GRB2: variants seen among roughly 807,000 people sequenced by gnomAD.
GRB2 encodes the protein growth factor receptor-bound protein 2.
A neutral mutation model predicts 27.4 loss-of-function variants in GRB2; 2 were observed. The ratio of observed to expected loss-of-function variants is 0.07; its 90% CI spans 0.03 to 0.23. The LOEUF (loss-of-function observed/expected upper bound fraction) is 0.23. Ranked by LOEUF, GRB2 falls within the 10% of genes least tolerant of loss-of-function variation. The pLI is 1.00. For missense variants in GRB2, 102 were observed against 282.4 expected (o/e 0.36, Z 4.58); for synonymous variants, 94 against 99.6 (o/e 0.94, Z 0.33).
rs1381759584 is a variant in GRB2, at chr17:75,326,164, C to T, written c.177-144G>A. ...CCTCCAGCCTCACAGTGCCCAAGAT[C>T]GACACTGGGTTGGGTCCCCAGAGAT... On this transcript the variant is annotated intron_variant, in intron 3 of 5. Transcript: ENST00000316804. 6.7e-6 allele frequency: 6 copies of T among 901,236 alleles called. No individual in the cohort carries two copies. The East Asian group carries it at 7.6e-5, about 11-fold the overall frequency. 55.8% of individuals were successfully genotyped at this position (901,236 alleles called of 1,614,324 possible). A position where few individuals can be genotyped will look rare whatever the true frequency, so the allele number is the denominator to read the frequency against.
chr17:75,402,383 T>C (rs2079069539), intron 1 of GRB2, among the ~76,000 whole-genome samples: 2 of 152,220 alleles, frequency 1.3e-5, no homozygotes, highest in African/African-American at 2.4e-5. Flanking sequence ...CACATCACAG[T>C]ATTAAGAATG....
intron 2 of GRB2, among the ~76,000 whole-genome samples, chr17:75,345,247 T>A (rs1427125751): frequency 2.0e-5 from 3 of 151,988 alleles, no homozygotes; most frequent in African/African-American, 7.3e-5. Context: ...GGTTTCACCG[T>A]GTTAGCCAGG....
intron 1 of GRB2, among the ~76,000 whole-genome samples, chr17:75,403,000 A>C (rs2079073106): frequency 7.4e-6 from 1 of 134,912 alleles, no homozygotes. Context: ...GCCCGAACCC[A>C]GGAGGTGGAA....
chr17:75,358,782 G>A (rs1318058849), intron 2 of GRB2, among the ~76,000 whole-genome samples: 4 of 146,972 alleles, frequency 2.7e-5, no homozygotes, highest in East Asian at 2.0e-4. Flanking sequence ...TACTCAGGAG[G>A]CTGAGGCATG....
At chr17:75,325,689 T>G (rs2078494501) in intron 4 of GRB2, among the ~76,000 whole-genome samples, 1 of 152,228 alleles carries the variant, frequency 6.6e-6, no homozygotes, top group African/African-American at 2.4e-5. Context: ...GCTCACCTCC[T>G]GAAGGCTGTG....
At chr17:75,361,019 AC>A (rs1456332786) in intron 2 of GRB2, among the ~76,000 whole-genome samples, 1 of 151,794 alleles carries the variant, frequency 6.6e-6, no homozygotes, top group African/African-American at 2.4e-5. Context: ...CGATCCTCCC[AC>A]CTTAGCCTCC....
chr17:75,334,713 G>A (rs1474755156), intron 2 of GRB2, among the ~76,000 whole-genome samples: 1 of 152,172 alleles, frequency 6.6e-6, no homozygotes, highest in Non-Finnish European at 1.5e-5. Flanking sequence ...GCTAAGGTGG[G>A]AAGACTGCTT....
intron 1 of GRB2, among the ~76,000 whole-genome samples, chr17:75,399,920 T>G (rs1218921159): frequency 5.3e-5 from 8 of 152,156 alleles, no homozygotes; most frequent in Non-Finnish European, 1.2e-4. Context: ...TCCGCCTGCC[T>G]CAGCCTCCCA....
chr17:75,350,046 C>A (rs75486867), intron 2 of GRB2, among the ~76,000 whole-genome samples: 17 of 144,232 alleles, frequency 1.2e-4, no homozygotes, highest in Non-Finnish European at 1.4e-4. Context: ...ATAAAACAAC[C>A]AAAAAAAAAA....
chr17:75,324,529 TTTTTTTG>T (rs1427242767), intron 4 of GRB2, among the ~76,000 whole-genome samples: 1,023 of 89,092 alleles, frequency 0.011, 32 homozygotes, highest in African/African-American at 0.029. Context: ...TTTTTTTTTT[TTTTTTTG>T]GAGACAGAGT....
At chr17:75,374,977 C>T (rs2078882762) in intron 2 of GRB2, among the ~76,000 whole-genome samples, 1 of 152,130 alleles carries the variant, frequency 6.6e-6, no homozygotes, top group Non-Finnish European at 1.5e-5. Flanking sequence ...CTCACTGCAT[C>T]CTCAAACTCC....
intron 2 of GRB2, among the ~76,000 whole-genome samples, chr17:75,336,360 A>G (rs1457816225): frequency 1.3e-5 from 2 of 152,212 alleles, no homozygotes; most frequent in Non-Finnish European, 2.9e-5. Flanking sequence ...TACTGTATAC[A>G]CTTGTTCTTG....
chr17:75,364,073 T>C (rs9894206), intron 2 of GRB2, among the ~76,000 whole-genome samples: 100,806 of 151,932 alleles, frequency 0.66, 39,038 homozygotes, highest in East Asian at 0.91. Flanking sequence ...TTTCCCTCTA[T>C]GTCTCACAAG....
chr17:75,374,967 C>T (rs1428326945), intron 2 of GRB2, among the ~76,000 whole-genome samples: 2 of 152,196 alleles, frequency 1.3e-5, no homozygotes, highest in African/African-American at 4.8e-5. Context: ...GAGATCATGG[C>T]TCACTGCATC....
At chr17:75,381,854 A>AT (rs1354534791) in intron 2 of GRB2, among the ~76,000 whole-genome samples, 4 of 152,050 alleles carry the variant, frequency 2.6e-5, no homozygotes, top group African/African-American at 9.6e-5. Context: ...TCCAAAATAC[A>AT]TTTTTTCTCA....
intron 2 of GRB2, among the ~76,000 whole-genome samples, chr17:75,335,777 G>A (rs2078572999): frequency 6.6e-6 from 1 of 152,178 alleles, no homozygotes. Context: ...AATATTGATA[G>A]AGTATTGATG....
intron 1 of GRB2, among the ~76,000 whole-genome samples, chr17:75,401,377 G>A (rs900411369): frequency 3.3e-4 from 50 of 149,754 alleles, no homozygotes; most frequent in Non-Finnish European, 6.2e-4. Flanking sequence ...CCCGGGAAGC[G>A]GAGCTTGCAG....
At chr17:75,378,828 G>A (rs1426929558) in intron 2 of GRB2, among the ~76,000 whole-genome samples, 1 of 152,242 alleles carries the variant, frequency 6.6e-6, no homozygotes, top group Non-Finnish European at 1.5e-5. Flanking sequence ...AGCATTAAAT[G>A]AGGCCATTAG....
In GRB2 at chr17:75,332,606, T is replaced by C. The variant is rs578076209; in HGVS notation, c.176+94A>G. The C allele has an allele frequency of 9.7e-6, 7 of 719,960 alleles. No individual in the cohort carries two copies. In the East Asian group the frequency reaches 1.6e-4, roughly 16 times the overall value. The allele number at this position is 719,960 out of a possible 1,614,324, so 44.6% of individuals were successfully genotyped here. On this transcript the variant is annotated intron_variant, in intron 3 of 5. Coordinates refer to ENST00000316804, the MANE Select transcript of GRB2 (RefSeq NM_002086.5). The stretch of plus-strand genomic sequence containing the variant: ...ATTCCCTAGAAACGTGAATAAAAAG[T>C]ATGACATCCATCCCAGTGATCTCAA...
Sources: gnomAD v4.1 joint callset for allele counts (sites outside exome capture counted in the v4.1 genomes callset) on GRCh38, gnomAD v4.1.1 for gene constraint, MANE v1.5 for transcripts, NCBI Gene and HGNC (gene_info 2026-07-23, HGNC 2026-07-21) for gene names.